Variants in TC2N observed in about 807,000 individuals in gnomAD.
TC2N encodes tandem C2 domains nuclear protein.
In TC2N, 51 loss-of-function variants were observed where a neutral mutation model predicts 61.9. The observed-to-expected ratio is 0.82, with a 90% confidence interval of 0.66 to 1.04. The LOEUF is 1.04. Among genes scored for constraint, TC2N ranks in the 50% least tolerant of loss-of-function variants. TC2N has a pLI of 0.00. For missense variants in TC2N, 556 were observed against 566.7 expected (o/e 0.98, Z 0.19); for synonymous variants, 204 against 192.6 (o/e 1.06, Z -0.49).
intron 1 of TC2N, among the ~76,000 whole-genome samples, chr14:91,822,484 A>G (rs989191471): frequency 6.6e-6 from 1 of 151,892 alleles, no homozygotes; most frequent in Non-Finnish European, 1.5e-5. Context: ...TTTGTCTTTA[A>G]TTTGGCTTTT....
intron 1 of TC2N, among the ~76,000 whole-genome samples, chr14:91,826,146 C>T (rs1237362353): frequency 6.6e-6 from 1 of 151,802 alleles, no homozygotes; most frequent in African/African-American, 2.4e-5. Context: ...TAGGGAGACC[C>T]CTATCTCTAC....
chr14:91,814,423 G>A (rs1886919132), intron 1 of TC2N, among the ~76,000 whole-genome samples: 1 of 150,698 alleles, frequency 6.6e-6, no homozygotes, highest in African/African-American at 2.4e-5. Context: ...AGGAGAGACA[G>A]AGTGAGCTGA....
chr14:91,827,795 T>G (rs547650460), intron 1 of TC2N, among the ~76,000 whole-genome samples: 1 of 152,316 alleles, frequency 6.6e-6, no homozygotes, highest in East Asian at 1.9e-4. Flanking sequence ...TACACACACT[T>G]AACATGTCAA....
intron 3 of TC2N, among the ~76,000 whole-genome samples, chr14:91,807,872 T>C (rs1886586899): frequency 6.6e-6 from 1 of 152,152 alleles, no homozygotes; most frequent in East Asian, 1.9e-4. Context: ...TCATCTTGAA[T>C]TGTAGCTCCC....
chr14:91,858,152 C>CTTTTTTT (rs56379239), intron 1 of TC2N, among the ~76,000 whole-genome samples: 1 of 92,346 alleles, frequency 1.1e-5, no homozygotes, highest in African/African-American at 4.0e-5. Context: ...TCTTCTTCTT[C>CTTTTTTT]TTTTTTTTTT....
chr14:91,862,219 G>T (rs1373202214), intron 1 of TC2N, among the ~76,000 whole-genome samples: 1 of 150,602 alleles, frequency 6.6e-6, no homozygotes, highest in African/African-American at 2.4e-5. Flanking sequence ...GGGCACATGT[G>T]GTCCCAGCTA....
chr14:91,802,446 T>C (rs367652624), intron 3 of TC2N, 25 bp from the exon 4 acceptor site: 1 of 1,605,106 alleles, frequency 6.2e-7, no homozygotes, highest in Non-Finnish European at 8.5e-7. Flanking sequence ...TTCTAAAAGT[T>C]TATAACATCC....
At chr14:91,849,611 G>A (rs1888334502) in intron 1 of TC2N, among the ~76,000 whole-genome samples, 1 of 152,210 alleles carries the variant, frequency 6.6e-6, no homozygotes, top group Admixed American at 6.5e-5. Flanking sequence ...AAACACAAGA[G>A]ATTTAATATG....
At position 91,800,344 on chromosome 14, in the gene TC2N, G is replaced by A. The variant is rs760754765; in HGVS notation, c.498C>T (p.Pro166=). The A allele has an allele frequency of 1.9e-5, 30 of 1,602,664 alleles. No individual in the cohort carries two copies. The highest frequency in any genetic ancestry group is 3.3e-4 in the Middle Eastern group (2 of 6,026). The change falls in exon 5 of 12, where the codon CCC becomes CCT. Residue 166 remains proline, a synonymous_variant. Coordinates refer to ENST00000435962, the MANE Select transcript of TC2N (RefSeq NM_001128596.3). ...SVCDLRTNKL[P]GSPGLSKSMF... is the part of the protein sequence containing the mutation. Reference sequence around the variant, plus strand: ...TAGATTTGCTTAGCCCAGGGGAACCGGGAAGTTTGTTCGTCCTTAAATCAC... The same window carrying A: ...TAGATTTGCTTAGCCCAGGGGAACCAGGAAGTTTGTTCGTCCTTAAATCAC...
At chr14:91,865,988 G>A (rs1022861389) in intron 1 of TC2N, among the ~76,000 whole-genome samples, 6 of 152,034 alleles carry the variant, frequency 3.9e-5, no homozygotes, top group South Asian at 2.1e-4. Flanking sequence ...TAAAGTTATC[G>A]GTGGACTGTC....
intron 1 of TC2N, among the ~76,000 whole-genome samples, chr14:91,853,239 T>C (rs1362848868): frequency 1.3e-5 from 2 of 152,050 alleles, no homozygotes; most frequent in African/African-American, 4.8e-5. Flanking sequence ...GGGTTGAGAA[T>C]AGAATGGAAG....
chr14:91,795,916 T>C (rs1885874799), intron 8 of TC2N, among the ~76,000 whole-genome samples: 1 of 152,090 alleles, frequency 6.6e-6, no homozygotes, highest in African/African-American at 2.4e-5. Context: ...CAATTATATA[T>C]TACACACAAA....
chr14:91,802,250 A>G lies in TC2N; in HGVS notation c.469+4T>C, dbSNP rs1349684792. On this transcript the variant is annotated splice_donor_region_variant and intron_variant, in intron 4 of 11. Coordinates refer to ENST00000435962, the MANE Select transcript of TC2N (RefSeq NM_001128596.3). ...GAGAGGAAAAGCACAAAAGATCTTC[A>G]TACCCGATCCATACAGTCTCTTCAC... 2.0e-6 allele frequency: 3 copies of G among 1,528,584 alleles called. No individual in the cohort carries two copies. Among genetic ancestry groups the G allele is most frequent in the Admixed American group, 4.7e-5 (2 of 42,234 alleles). 94.7% of individuals were successfully genotyped at this position (1,528,584 alleles called of 1,614,324 possible).
intron 1 of TC2N, among the ~76,000 whole-genome samples, chr14:91,826,107 C>A (rs1239106110): frequency 6.6e-6 from 1 of 151,892 alleles, no homozygotes; most frequent in Non-Finnish European, 1.5e-5. Flanking sequence ...TCATTTGAGT[C>A]CAGGAGTTCA....
In TC2N at chr14:91,802,404, A is replaced by G. The variant is rs781189272; in HGVS notation, c.319T>C (p.Phe107Leu). 1.9e-6 allele frequency: 3 copies of G among 1,611,164 alleles called. No individual in the cohort carries two copies. In the Admixed American group the frequency reaches 5.0e-5, roughly 27 times the overall value. Residue 107 changes from phenylalanine to leucine, a missense_variant, in exon 4 of 12, where the codon TTT (phenylalanine) becomes CTT (leucine). By Grantham distance (22) the Phe-to-Leu change is conservative. Coordinates refer to ENST00000435962, the MANE Select transcript of TC2N (RefSeq NM_001128596.3). Reference sequence around the variant, plus strand: ...GAAAGTTCTACCTTTCGATCTCCAAAAGATGCTCTGGCAGATCCTGAAAGC... The same window carrying G: ...GAAAGTTCTACCTTTCGATCTCCAAGAGATGCTCTGGCAGATCCTGAAAGC... ...EELEGSARAS[F>L]GDRKVELSSS...
At chr14:91,795,696 C>A (rs1333707697) in intron 8 of TC2N, among the ~76,000 whole-genome samples, 1 of 152,092 alleles carries the variant, frequency 6.6e-6, no homozygotes, top group Non-Finnish European at 1.5e-5. Context: ...CCAAAAAACT[C>A]ATGTGACCTG....
chr14:91,827,852 A>C (rs1187719823), intron 1 of TC2N, among the ~76,000 whole-genome samples: 1 of 152,228 alleles, frequency 6.6e-6, no homozygotes, highest in Non-Finnish European at 1.5e-5. Context: ...TAGTAAAAGG[A>C]CTATTAAAAG....
intron 3 of TC2N, among the ~76,000 whole-genome samples, chr14:91,805,044 T>G (rs1886442574): frequency 6.6e-6 from 1 of 152,222 alleles, no homozygotes; most frequent in South Asian, 2.1e-4. Flanking sequence ...AGCTAAATTC[T>G]TCAAAGGTTT....
chr14:91,842,176 G>A (rs1469368049), intron 1 of TC2N, among the ~76,000 whole-genome samples: 1 of 151,862 alleles, frequency 6.6e-6, no homozygotes, highest in African/African-American at 2.4e-5. Context: ...CCAGAGACAA[G>A]GTTTCACCAT....
Sources: gnomAD v4.1 joint callset for allele counts (sites outside exome capture counted in the v4.1 genomes callset) on GRCh38, gnomAD v4.1.1 for gene constraint, MANE v1.5 for transcripts, NCBI Gene and HGNC (gene_info 2026-07-23, HGNC 2026-07-21) for gene names.